Variants in CMPK1 observed in about 807,000 individuals in gnomAD.
CMPK1 encodes the protein cytidine/uridine monophosphate kinase 1, also known as UMP-CMP kinase.
CMPK1 carries 10 observed loss-of-function variants against 25.7 expected under a neutral mutation model. The observed-to-expected ratio is 0.39, with a 90% CI of 0.24 to 0.66. The LOEUF is 0.66. CMPK1 is among the 30% of genes least tolerant of loss of function. The pLI, the probability that CMPK1 is intolerant of heterozygous loss-of-function variation, is 0.48. For missense variants in CMPK1, 199 were observed against 280.5 expected (o/e 0.71, Z 2.08); for synonymous variants, 106 against 101.5 (o/e 1.04, Z -0.27).
At chr1:47,357,396 C>A (rs986720194) in intron 1 of CMPK1, among the ~76,000 whole-genome samples, 6 of 152,030 alleles carry the variant, frequency 3.9e-5, no homozygotes, top group Admixed American at 1.3e-4. Flanking sequence ...AGGGCCTTCT[C>A]ACTGTATCAT....
At chr1:47,349,386 T>C (rs1646506396) in intron 1 of CMPK1, among the ~76,000 whole-genome samples, 1 of 152,176 alleles carries the variant, frequency 6.6e-6, no homozygotes, top group East Asian at 1.9e-4. Flanking sequence ...CAATTTCCCC[T>C]TTTGTAAAAC....
At chr1:47,375,106 C>A in intron 4 of CMPK1, 91 bp from the exon 5 acceptor site, 2 of 1,245,314 alleles carry the variant, frequency 1.6e-6, no homozygotes, top group South Asian at 1.2e-5. Context: ...GTCAATCAGT[C>A]GGGGCAGATC....
chr1:47,363,812 G>A (rs1341977077), intron 1 of CMPK1, among the ~76,000 whole-genome samples: 2 of 151,774 alleles, frequency 1.3e-5, no homozygotes, highest in Non-Finnish European at 2.9e-5. Flanking sequence ...GTGTGGTGGC[G>A]GGCACCTATA....
intron 1 of CMPK1, among the ~76,000 whole-genome samples, chr1:47,355,895 G>T (rs1167174008): frequency 6.6e-6 from 1 of 152,030 alleles, no homozygotes; most frequent in African/African-American, 2.4e-5. Flanking sequence ...GTGAGCCACC[G>T]CGCCCAGCCA....
chr1:47,346,972 C>T (rs1020396135), intron 1 of CMPK1, among the ~76,000 whole-genome samples: 6 of 150,546 alleles, frequency 4.0e-5, no homozygotes, highest in African/African-American at 7.3e-5. Context: ...TTAGTAGAGA[C>T]GGGTTTCACC....
chr1:47,345,435 A>G (rs1646475538), intron 1 of CMPK1, among the ~76,000 whole-genome samples: 1 of 152,148 alleles, frequency 6.6e-6, no homozygotes, highest in Non-Finnish European at 1.5e-5. Flanking sequence ...TAGCTGTTTG[A>G]AGAAATGATA....
At chr1:47,355,921 CA>C (rs1646557900) in intron 1 of CMPK1, among the ~76,000 whole-genome samples, 1 of 152,124 alleles carries the variant, frequency 6.6e-6, no homozygotes, top group Non-Finnish European at 1.5e-5. Flanking sequence ...TCTTTATATG[CA>C]ATATATAGTA....
intron 1 of CMPK1, among the ~76,000 whole-genome samples, chr1:47,365,742 CTTG>C: frequency 6.6e-6 from 1 of 151,740 alleles, no homozygotes; most frequent in East Asian, 1.9e-4. Context: ...CCATTTTGTA[CTTG>C]TTGTGAACAT....
chr1:47,356,089 T>C (rs1159224020), intron 1 of CMPK1, among the ~76,000 whole-genome samples: 1 of 152,230 alleles, frequency 6.6e-6, no homozygotes, highest in Non-Finnish European at 1.5e-5. Context: ...CCAAGCAAGA[T>C]GTCTTTTCCT....
Position 47,376,774 on chromosome 1 carries a change from A to G in CMPK1, c.*29A>G, listed in dbSNP as rs771523327. 1.6e-5 allele frequency: 22 copies of G among 1,348,214 alleles called. No individual in the cohort carries two copies. Among genetic ancestry groups the G allele is most frequent in the Non-Finnish European group, 2.3e-5 (22 of 942,664 alleles). The allele number at this position is 1,348,214 out of a possible 1,614,324, so 83.5% of individuals were successfully genotyped here. ...TAAACCTGAAGGCATCCTTGAAATC[A>G]TGCTTGAATATTGCTTTGATAGCTG... On this transcript the variant is annotated 3_prime_UTR_variant, in exon 6 of 6. Transcript: ENST00000371873.
chr1:47,364,710 T>A (rs1479604023), intron 1 of CMPK1, among the ~76,000 whole-genome samples: 1 of 148,534 alleles, frequency 6.7e-6, no homozygotes, highest in East Asian at 1.9e-4. Context: ...TGATATAAAT[T>A]GTATAATATA....
At chr1:47,357,987 C>T (rs112942702) in intron 1 of CMPK1, among the ~76,000 whole-genome samples, 61 of 151,678 alleles carry the variant, frequency 4.0e-4, no homozygotes, top group Admixed American at 1.6e-3. Context: ...TTCTGTTCCT[C>T]TATCGGCGTG....
In CMPK1 at chr1:47,334,016, C is replaced by T. The variant is rs778515998; in HGVS notation, c.71C>T (p.Pro24Leu). Residue 24 changes from proline to leucine, a missense_variant, in exon 1 of 6, where the codon CCG becomes CTG. By Grantham distance (98) the Pro-to-Leu change is moderately conservative. Around this residue, in one of 2 missense-constraint regions of CMPK1, gnomAD observed 59 missense variants for 45.1 expected, o/e 1.31. Coordinates refer to ENST00000371873, the MANE Select transcript of CMPK1 (RefSeq NM_016308.3). ...AGCTTCCTGCTGCAGACCCGCCGGCCGATTCTCCTCTGCTCTCCACGTCTC... is the reference window on the plus strand; with the variant it reads ...AGCTTCCTGCTGCAGACCCGCCGGCTGATTCTCCTCTGCTCTCCACGTCTC... The part of the protein sequence containing the change: ...GLSFLLQTRR[P>L]ILLCSPRLMK... 1.3e-6 allele frequency: 2 copies of T among 1,549,980 alleles called. No homozygotes were observed.
In CMPK1 at chr1:47,368,483, A is replaced by G. The variant is rs377653530; in HGVS notation, c.186A>G (p.Thr62=). The G allele has an allele frequency of 1.9e-4, 304 of 1,611,462 alleles. No homozygotes were observed. Among genetic ancestry groups the G allele is most frequent in the Middle Eastern group, 3.3e-4 (2 of 6,080 alleles). ...CARIVEKYGY[T]HLSAGELLRD... is the part of the protein sequence containing the mutation. ...GCTTCTTTCAGAAATATGGCTACAC[A>G]CACCTTTCTGCAGGAGAGCTGCTTC... Residue 62 remains threonine, a synonymous_variant, in exon 2 of 6, where the codon ACA becomes ACG. Transcript: ENST00000371873.
chr1:47,354,190 G>A (rs1570364111), intron 1 of CMPK1, among the ~76,000 whole-genome samples: 1 of 152,066 alleles, frequency 6.6e-6, no homozygotes, highest in African/African-American at 2.4e-5. Flanking sequence ...AATTAGCCAG[G>A]CATGATGGCA....
intron 1 of CMPK1, 109 bp downstream of exon 1, chr1:47,334,225 A>G: frequency 2.8e-6 from 3 of 1,061,124 alleles, no homozygotes; most frequent in Non-Finnish European, 3.6e-6. Flanking sequence ...GCAGACTACG[A>G]GTCCCGGCGG....
chr1:47,355,559 C>T (rs932529479), intron 1 of CMPK1, among the ~76,000 whole-genome samples: 2 of 151,808 alleles, frequency 1.3e-5, no homozygotes, highest in Admixed American at 6.6e-5. Context: ...GTAATCCACC[C>T]GCTTCAGCTT....
At chr1:47,360,419 G>A (rs938680866) in intron 1 of CMPK1, among the ~76,000 whole-genome samples, 1 of 152,144 alleles carries the variant, frequency 6.6e-6, no homozygotes, top group East Asian at 1.9e-4. Flanking sequence ...GAAGCCATCC[G>A]TAAAATGTTA....
At chr1:47,341,678 G>A (rs1325465557) in intron 1 of CMPK1, among the ~76,000 whole-genome samples, 3 of 151,188 alleles carry the variant, frequency 2.0e-5, no homozygotes, top group South Asian at 2.1e-4. Flanking sequence ...TTGCTCTGTC[G>A]CCCAGGTTGG....
Sources: allele counts gnomAD v4.1 joint callset (sites outside exome capture counted in the v4.1 genomes callset), GRCh38; gene constraint gnomAD v4.1.1; regional missense constraint gnomAD v4.1.1; transcripts MANE v1.5; gene names NCBI Gene and HGNC (gene_info 2026-07-23, HGNC 2026-07-21).